The following KCNIP1 variants were observed in gnomAD, a reference collection of about 807,000 sequenced individuals.
The protein encoded by KCNIP1 is potassium voltage-gated channel interacting protein 1, also known as A-type potassium channel modulatory protein KCNIP1.
Under a neutral mutation model 33.0 loss-of-function variants are expected in KCNIP1, and 18 were observed. That is an observed-to-expected ratio of 0.55 (90% CI 0.38 to 0.81). The LOEUF is 0.81. Ranked by LOEUF, KCNIP1 falls within the 30% of genes least tolerant of loss-of-function variation. The pLI, the probability that KCNIP1 is intolerant of heterozygous loss-of-function variation, is 0.00. For synonymous variants in KCNIP1, 93 were observed against 98.3 expected (o/e 0.95, Z 0.32); for missense variants, 238 against 271.6 (o/e 0.88, Z 0.87).
intron 1 of KCNIP1, among the ~76,000 whole-genome samples, chr5:170,390,023 A>C (rs1026423820): frequency 4.6e-5 from 7 of 152,190 alleles, no homozygotes; most frequent in Admixed American, 2.0e-4. Flanking sequence ...AGCTGGGAGT[A>C]GTGAGAGCTC....
chr5:170,686,062 C>G (rs902560931), intron 1 of KCNIP1, among the ~76,000 whole-genome samples: 6 of 152,148 alleles, frequency 3.9e-5, no homozygotes, highest in Non-Finnish European at 7.3e-5. Context: ...CTTCCCATCC[C>G]CACTTTTGTC....
intron 1 of KCNIP1, among the ~76,000 whole-genome samples, chr5:170,473,941 G>C (rs1376928285): frequency 6.6e-6 from 1 of 152,150 alleles, no homozygotes; most frequent in Non-Finnish European, 1.5e-5. Flanking sequence ...ATATGGCACA[G>C]GAATTTAGAA....
intron 1 of KCNIP1, among the ~76,000 whole-genome samples, chr5:170,533,905 G>C (rs1755874310): frequency 6.6e-6 from 1 of 152,200 alleles, no homozygotes; most frequent in African/African-American, 2.4e-5. Context: ...GTGGGCAGCG[G>C]GAGTGGGAGG....
At chr5:170,600,211 C>T (rs940817708) in intron 1 of KCNIP1, among the ~76,000 whole-genome samples, 2 of 151,790 alleles carry the variant, frequency 1.3e-5, no homozygotes, top group African/African-American at 2.4e-5. Context: ...TTCTTAATCC[C>T]GTACTTAAGT....
At chr5:170,503,730 A>ACACACACACACACACACGCACGCACAT (rs1754556577), upstream of KCNIP1, among the ~76,000 whole-genome samples, 2 of 21,268 alleles carry the variant, frequency 9.4e-5, no homozygotes, top group Non-Finnish European at 2.0e-4. Flanking sequence ...CACATCACAC[A>ACACACACACACACACACGCACGCACAT]CACACACACA....
chr5:170,396,077 T>C (rs314122), intron 1 of KCNIP1, among the ~76,000 whole-genome samples: 32,497 of 152,180 alleles, frequency 0.21, 3,550 homozygotes, highest in East Asian at 0.31. Flanking sequence ...AGGGCTTTTG[T>C]CTTTTTGGAG....
intron 1 of KCNIP1, among the ~76,000 whole-genome samples, chr5:170,469,489 G>A (rs1480778909): frequency 6.6e-6 from 1 of 152,048 alleles, no homozygotes; most frequent in Non-Finnish European, 1.5e-5. Flanking sequence ...CTTCCTCATC[G>A]CCTTTGGGGT....
At chr5:170,462,897 T>C (rs1581215112) in intron 1 of KCNIP1, among the ~76,000 whole-genome samples, 1 of 152,176 alleles carries the variant, frequency 6.6e-6, no homozygotes, top group African/African-American at 2.4e-5. Flanking sequence ...TATGTTCTCA[T>C]TCATAAGTGG....
chr5:170,509,985 C>T (rs1312969053), intron 1 of KCNIP1, among the ~76,000 whole-genome samples: 1 of 152,196 alleles, frequency 6.6e-6, no homozygotes, highest in African/African-American at 2.4e-5. Flanking sequence ...TTTATCCACT[C>T]ATTTATTTGT....
At chr5:170,493,471 T>C (rs576395028) in intron 1 of KCNIP1, among the ~76,000 whole-genome samples, 1 of 152,284 alleles carries the variant, frequency 6.6e-6, no homozygotes, top group East Asian at 1.9e-4. Flanking sequence ...ACTCAGTCGC[T>C]CATTTCAATC....
At position 170,550,564 on chromosome 5, in the gene KCNIP1, GTGA is replaced by G. The variant is rs558745141; in HGVS notation, c.61+45940_61+45942del. ...AATGATGATGGTGATGACAATGATG[GTGA>G]TGATGATGGTGATGATGATGGCAAT... On this transcript the variant is annotated intron_variant, in intron 1 of 7. Coordinates refer to ENST00000328939, the MANE Select transcript of KCNIP1 (RefSeq NM_014592.4). Among the ~76,000 whole-genome samples, 803 of 149,056 alleles carry G rather than the reference GTGA, an allele frequency of 5.4e-3. 11 individuals are homozygous for G. The highest frequency in any genetic ancestry group is 0.018 in the African/African-American group (740 of 40,382).
chr5:170,490,009 C>T lies in KCNIP1; in HGVS notation c.88+136045C>T, dbSNP rs73803725. Among the ~76,000 whole-genome samples the T allele has an allele frequency of 4.8e-3, 729 of 152,332 alleles. 6 individuals carry two copies. The highest frequency in any genetic ancestry group is 0.017 in the African/African-American group (695 of 41,576). ...TTAAGGACATTCACCAGTCTCCCAG[C>T]ACACTCATCTCCACCCCACCCCAGT... On this transcript the variant is annotated intron_variant, in intron 1 of 7. Coordinates refer to the KCNIP1 transcript ENST00000377360.
At chr5:170,592,889 A>T (rs1376864380) in intron 1 of KCNIP1, among the ~76,000 whole-genome samples, 1 of 152,118 alleles carries the variant, frequency 6.6e-6, no homozygotes, top group East Asian at 1.9e-4. Flanking sequence ...AGCTCCGGAC[A>T]AACACAAGAA....
intron 1 of KCNIP1, among the ~76,000 whole-genome samples, chr5:170,694,442 C>T (rs924944176): frequency 3.3e-5 from 5 of 152,024 alleles, no homozygotes; most frequent in Admixed American, 6.6e-5. Context: ...ATCAGGACCC[C>T]CTTCTGTCAT....
At chr5:170,462,426 G>A (rs996114987) in intron 1 of KCNIP1, among the ~76,000 whole-genome samples, 2 of 152,102 alleles carry the variant, frequency 1.3e-5, no homozygotes, top group African/African-American at 4.8e-5. Flanking sequence ...AAACCACAAT[G>A]TGATACCACC....
chr5:170,504,531 G>T lies in KCNIP1; in HGVS notation c.-42G>T, dbSNP rs1262216379. On this transcript the variant is annotated 5_prime_UTR_variant, in exon 1 of 8. Transcript: ENST00000328939. The surrounding 1 kb of genome is among the most constrained non-coding windows in gnomAD (Gnocchi z 6.0). ...GATTTCTTTCCAGGGTAGGGGAGGG[G>T]CCGGGCCCGGGGTCCCAACTCGCAC... is the stretch of plus-strand genomic sequence containing the variant. The T allele has an allele frequency of 3.7e-6, 6 of 1,610,932 alleles. No homozygotes were observed. Among genetic ancestry groups the T allele is most frequent in the East Asian group, 4.5e-5 (2 of 44,846 alleles).
intron 1 of KCNIP1, among the ~76,000 whole-genome samples, chr5:170,573,130 G>A (rs933664839): frequency 1.3e-5 from 2 of 152,336 alleles, no homozygotes; most frequent in Middle Eastern, 6.8e-3. Context: ...GACACACACA[G>A]TCTTTTCCAA....
Position 170,736,178 on chromosome 5 carries a change from T to C in KCNIP1, c.*372T>C, listed in dbSNP as rs116823027. ...TGCCTCCAAGTCAGGCAGACCTTGG[T>C]GAATCTGGAAGCAAGAGGACCTGAG... On this transcript the variant is annotated 3_prime_UTR_variant, in exon 8 of 8. Transcript: ENST00000328939. The C allele has an allele frequency of 4.0e-3, 817 of 202,500 alleles. 8 individuals are homozygous for C. Among genetic ancestry groups the C allele is most frequent in the African/African-American group, 0.018 (784 of 43,704 alleles). The allele number at this position is 202,500 out of a possible 1,614,324, so 12.5% of individuals were successfully genotyped here. A position where few individuals can be genotyped will look rare whatever the true frequency, so the allele number is the denominator to read the frequency against.
chr5:170,511,094 A>G (rs1754916259), intron 1 of KCNIP1, among the ~76,000 whole-genome samples: 2 of 152,228 alleles, frequency 1.3e-5, no homozygotes, highest in African/African-American at 4.8e-5. Flanking sequence ...CTGTAATCCC[A>G]GTCACTCAGG....
Sources: gnomAD v4.1 joint callset for allele counts (sites outside exome capture counted in the v4.1 genomes callset) on GRCh38, gnomAD v4.1.1 for gene constraint, Gnocchi (gnomAD v3.1) non-coding constraint, MANE v1.5 for transcripts, NCBI Gene and HGNC (gene_info 2026-07-23, HGNC 2026-07-21) for gene names.